Variants in RERG observed in about 807,000 individuals in gnomAD.
The protein encoded by RERG is RAS like estrogen regulated growth inhibitor.
Under a neutral mutation model 23.2 loss-of-function variants are expected in RERG, and 25 were observed. The ratio of observed to expected loss-of-function variants is 1.08; its 90% CI spans 0.79 to 1.50. The LOEUF (loss-of-function observed/expected upper bound fraction) is 1.50, where lower values mean the gene tolerates loss of function less well. Ranked by LOEUF, RERG falls within the 40% of genes most tolerant of loss-of-function variation. The pLI is 0.00. For synonymous variants in RERG, 81 were observed against 89.1 expected (o/e 0.91, Z 0.51); for missense variants, 253 against 250.1 (o/e 1.01, Z -0.08).
At chr12:15,143,800 G>A (rs759678823) in intron 2 of RERG, among the ~76,000 whole-genome samples, 5 of 152,162 alleles carry the variant, frequency 3.3e-5, no homozygotes, top group Non-Finnish European at 5.9e-5. Flanking sequence ...AGGAGTTGGA[G>A]GGATTTGATT....
intron 2 of RERG, among the ~76,000 whole-genome samples, chr12:15,140,320 C>T (rs147308099): frequency 2.8e-3 from 433 of 152,246 alleles, no homozygotes; most frequent in South Asian, 6.2e-3. Context: ...AGGGCCCTCA[C>T]AGATACTCCC....
intron 2 of RERG, among the ~76,000 whole-genome samples, chr12:15,166,621 A>C (rs1864697309): frequency 6.6e-6 from 1 of 151,728 alleles, no homozygotes; most frequent in Non-Finnish European, 1.5e-5. Context: ...TCCCTAATGC[A>C]AACATTATGT....
chr12:15,208,433 T>C (rs1017044600), intron 2 of RERG, among the ~76,000 whole-genome samples: 1 of 152,184 alleles, frequency 6.6e-6, no homozygotes, highest in Non-Finnish European at 1.5e-5. Context: ...TTAAAATATA[T>C]GACCCTTGAT....
At chr12:15,187,617 G>A (rs918970049) in intron 2 of RERG, among the ~76,000 whole-genome samples, 8 of 151,130 alleles carry the variant, frequency 5.3e-5, no homozygotes, top group African/African-American at 1.5e-4. Flanking sequence ...GTAGGGCAAC[G>A]GCGCAATCTT....
intron 2 of RERG, among the ~76,000 whole-genome samples, chr12:15,187,371 G>C (rs1463446970): frequency 6.6e-6 from 1 of 152,152 alleles, no homozygotes; most frequent in Non-Finnish European, 1.5e-5. Flanking sequence ...CTAGAAGCCA[G>C]CAAACTCCTT....
rs550852685 is a variant in RERG at position 15,205,341 on chromosome 12, C to A, written c.61+12088G>T. ...TAGGATTTTCACAAATATTTGTAAACCGATAAGTGGGAGACCTAAGAAATC... is the reference window on the plus strand; with the variant it reads ...TAGGATTTTCACAAATATTTGTAAAACGATAAGTGGGAGACCTAAGAAATC... On this transcript the variant is annotated intron_variant, in intron 2 of 4. Transcript: ENST00000256953. Among the ~76,000 whole-genome samples, 174 of 151,972 alleles carry A rather than the reference C, an allele frequency of 1.1e-3. 2 individuals carry two copies. The highest frequency in any genetic ancestry group is 3.9e-3 in the African/African-American group (160 of 41,500).
chr12:15,136,567 G>T (rs1279946951), intron 2 of RERG, among the ~76,000 whole-genome samples: 2 of 151,712 alleles, frequency 1.3e-5, no homozygotes, highest in East Asian at 3.9e-4. Flanking sequence ...CACTGCTTTT[G>T]CTGTATGACA....
chr12:15,186,212 C>T (rs1390410756), intron 2 of RERG, among the ~76,000 whole-genome samples: 3 of 151,470 alleles, frequency 2.0e-5, no homozygotes, highest in Admixed American at 1.3e-4. Context: ...AATAGCTATA[C>T]AAATTATATT....
rs533922804 is a variant in RERG at position 15,134,974 on chromosome 12, C to A, written c.62-13855G>T. ...ATACAATTTGCTGAAATTTTTATTT[C>A]AATTGTATTGAATCTGTAGACCAAA... On this transcript the variant is annotated intron_variant, in intron 2 of 4. Transcript: ENST00000256953. 5.9e-5 allele frequency among the ~76,000 whole-genome samples: 9 copies of A among 152,214 alleles called. No homozygotes were observed. The South Asian group carries it at 1.9e-3, about 32-fold the overall frequency.
intron 2 of RERG, among the ~76,000 whole-genome samples, chr12:15,139,003 C>T (rs1212171831): frequency 9.9e-4 from 107 of 107,796 alleles, no homozygotes; most frequent in Non-Finnish European, 1.7e-3. Flanking sequence ...AGTTGTTCAC[C>T]TGTGTCTAGA....
rs1591629228 is a variant in RERG at position 15,108,412 on chromosome 12, C to G, written c.*698G>C. The G allele has an allele frequency of 6.6e-6, 1 of 152,520 alleles. No homozygotes were observed. Among genetic ancestry groups the G allele is most frequent in the Admixed American group, 6.6e-5 (1 of 15,264 alleles). 9.4% of individuals were successfully genotyped at this position (152,520 alleles called of 1,614,324 possible). A position where few individuals can be genotyped will look rare whatever the true frequency, so the allele number is the denominator to read the frequency against. On this transcript the variant is annotated 3_prime_UTR_variant, in exon 5 of 5. Coordinates refer to ENST00000256953, the MANE Select transcript of RERG (RefSeq NM_032918.3). ...CCTGACTTGATGAAAAAAGGCCCAG[C>G]AGGATGTGAATTTTGTGTCCTATTG... is the stretch of plus-strand genomic sequence containing the variant.
At chr12:15,135,509 T>C (rs1232077612) in intron 2 of RERG, among the ~76,000 whole-genome samples, 1 of 152,206 alleles carries the variant, frequency 6.6e-6, no homozygotes, top group Non-Finnish European at 1.5e-5. Flanking sequence ...ACTTGCTTTC[T>C]CACCATTAAG....
At chr12:15,176,506 C>T (rs954945321) in intron 2 of RERG, among the ~76,000 whole-genome samples, 1 of 152,112 alleles carries the variant, frequency 6.6e-6, no homozygotes, top group Non-Finnish European at 1.5e-5. Context: ...AGGGCTTTCA[C>T]ATTTCTCCTG....
At chr12:15,208,371 A>G (rs1045273955) in intron 2 of RERG, among the ~76,000 whole-genome samples, 1 of 152,180 alleles carries the variant, frequency 6.6e-6, no homozygotes, top group South Asian at 2.1e-4. Flanking sequence ...CTGTCACTGG[A>G]GACAGTCAAG....
chr12:15,155,995 TAAAA>T (rs35176954), intron 2 of RERG, among the ~76,000 whole-genome samples: 1 of 133,908 alleles, frequency 7.5e-6, no homozygotes, highest in Admixed American at 7.5e-5. Flanking sequence ...TAAAGTATAA[TAAAA>T]AAATATATAT....
intron 2 of RERG, among the ~76,000 whole-genome samples, chr12:15,168,281 G>T (rs1241624831): frequency 1.3e-5 from 2 of 152,186 alleles, no homozygotes; most frequent in Non-Finnish European, 2.9e-5. Flanking sequence ...CTTCGTTGCG[G>T]TCTGCCTTAT....
chr12:15,179,339 T>C (rs1418130432), intron 2 of RERG, among the ~76,000 whole-genome samples: 1 of 152,200 alleles, frequency 6.6e-6, no homozygotes, highest in Non-Finnish European at 1.5e-5. Flanking sequence ...CAAAAGCCAA[T>C]GCAGTTTGGA....
chr12:15,204,686 G>A (rs1223270456), intron 2 of RERG, among the ~76,000 whole-genome samples: 3 of 151,780 alleles, frequency 2.0e-5, no homozygotes, highest in Non-Finnish European at 2.9e-5. Flanking sequence ...ATTTCTCACT[G>A]ATTTCTGTTC....
intron 2 of RERG, among the ~76,000 whole-genome samples, chr12:15,175,333 C>CTGTGTGTGTG (rs532399275): frequency 0.014 from 1,520 of 112,208 alleles, 41 homozygotes; most frequent in East Asian, 0.019. Flanking sequence ...CTCTCAGGCT[C>CTGTGTGTGTG]TGTGTGTGTG....
Sources: allele counts gnomAD v4.1 joint callset (sites outside exome capture counted in the v4.1 genomes callset), GRCh38; gene constraint gnomAD v4.1.1; transcripts MANE v1.5; gene names NCBI Gene and HGNC (gene_info 2026-07-23, HGNC 2026-07-21).